The following CRISP2 variants were observed in gnomAD, a reference collection of about 807,000 sequenced individuals.
The protein encoded by CRISP2 is cysteine-rich secretory protein 2.
CRISP2 carries 29 observed loss-of-function variants against 31.7 expected under a neutral mutation model. The ratio of observed to expected loss-of-function variants is 0.92; its 90% CI spans 0.68 to 1.25. The LOEUF is 1.25. CRISP2 is among the 50% of genes most tolerant of loss of function. CRISP2 has a pLI of 0.00. For synonymous variants in CRISP2, 111 were observed against 101.4 expected (o/e 1.09, Z -0.57); for missense variants, 318 against 286.5 (o/e 1.11, Z -0.79).
At chr6:49,699,131 T>C (rs1239940919) in intron 6 of CRISP2, among the ~76,000 whole-genome samples, 1 of 152,138 alleles carries the variant, frequency 6.6e-6, no homozygotes, top group African/African-American at 2.4e-5. Context: ...CATTTACTAG[T>C]TTTTATAATC....
rs746372717 is a variant in CRISP2 at position 49,698,507 on chromosome 6, C to T, written c.272G>A (p.Ser91Asn). ...QHSDPEDRKT[S>N]TRCGENLYMS... is the part of the protein sequence containing the mutation. Reference sequence around the variant, plus strand: ...ATAGAGATTCTCACCACATCTTGTACCTAAGGGGCAGATCATTCATGAGCA... The same window carrying T: ...ATAGAGATTCTCACCACATCTTGTATCTAAGGGGCAGATCATTCATGAGCA... The change falls in exon 7 of 10, where the codon AGT becomes AAT. Residue 91 changes from serine to asparagine, a missense_variant and splice_region_variant. Transcript: ENST00000339139. 1 of 1,602,440 alleles carries T rather than the reference C, an allele frequency of 6.2e-7. No individual in the cohort carries two copies. The highest frequency in any genetic ancestry group is 1.8e-5 in the Admixed American group (1 of 56,244).
chr6:49,700,610 G>A, intron 5 of CRISP2, 58 bp downstream of exon 5: 1 of 1,019,424 alleles, frequency 9.8e-7, no homozygotes, highest in South Asian at 1.3e-5. Flanking sequence ...CCAGTGGCCA[G>A]CCGTCGGCTC....
the CRISP2 span, among the ~76,000 whole-genome samples, chr6:49,685,957 C>G: frequency 6.6e-6 from 1 of 152,008 alleles, no homozygotes; most frequent in African/African-American, 2.4e-5. Flanking sequence ...ACCATTTTTT[C>G]TTACACCATT....
chr6:49,693,876 A>G (rs1764306979), intron 9 of CRISP2, among the ~76,000 whole-genome samples: 1 of 152,166 alleles, frequency 6.6e-6, no homozygotes, highest in Admixed American at 6.6e-5. Flanking sequence ...TCCTCCAAAC[A>G]GCTATTTTGA....
At chr6:49,708,366 G>A (rs1015050174) in intron 4 of CRISP2, among the ~76,000 whole-genome samples, 3 of 152,212 alleles carry the variant, frequency 2.0e-5, no homozygotes, top group Non-Finnish European at 4.4e-5. Context: ...CAGAAACTGT[G>A]AATGTGTTCT....
chr6:49,701,850 T>C (rs1409089958), intron 4 of CRISP2, among the ~76,000 whole-genome samples: 1 of 87,882 alleles, frequency 1.1e-5, no homozygotes, highest in Non-Finnish European at 2.2e-5. Flanking sequence ...ATATATATTA[T>C]ATAATATATA....
chr6:49,682,635 CTT>C, the CRISP2 span, among the ~76,000 whole-genome samples: 1 of 73,390 alleles, frequency 1.4e-5, no homozygotes, highest in Non-Finnish European at 2.4e-5. Flanking sequence ...TTCTTTCTTT[CTT>C]TCTTTCTTCT....
chr6:49,709,834 T>C (rs879919535), intron 3 of CRISP2, among the ~76,000 whole-genome samples: 4 of 152,236 alleles, frequency 2.6e-5, no homozygotes, highest in Non-Finnish European at 2.9e-5. Flanking sequence ...ATTGAAGATA[T>C]AGCTTATTCA....
the CRISP2 span, among the ~76,000 whole-genome samples, chr6:49,682,646 CTTTCTTTCT>C: frequency 0.13 from 7,652 of 60,586 alleles, 257 homozygotes; most frequent in African/African-American, 0.22. Context: ...TTTCTTTCTT[CTTTCTTTCT>C]TTTCTTTCTT....
At chr6:49,682,242 A>AGAG in the CRISP2 span, among the ~76,000 whole-genome samples, 1 of 152,172 alleles carries the variant, frequency 6.6e-6, no homozygotes, top group South Asian at 2.1e-4. Context: ...CAGGAATCTC[A>AGAG]GGTGGTATTG....
chr6:49,698,641 G>A, intron 6 of CRISP2, 134 bp from the exon 7 acceptor site: 4 of 870,500 alleles, frequency 4.6e-6, no homozygotes, highest in Non-Finnish European at 5.3e-6. Context: ...ACATAAAGGA[G>A]TGCCTCAGTT....
downstream of CRISP2, among the ~76,000 whole-genome samples, chr6:49,690,000 T>C (rs1763998259): frequency 1.3e-5 from 2 of 152,312 alleles, no homozygotes; most frequent in East Asian, 1.9e-4. Context: ...ATCTGCTTTA[T>C]TGGAATTAAT....
chr6:49,704,370 C>T (rs192315848), intron 4 of CRISP2, among the ~76,000 whole-genome samples: 1 of 152,130 alleles, frequency 6.6e-6, no homozygotes, highest in African/African-American at 2.4e-5. Context: ...GAGATTTCTT[C>T]TTGGTTTCAA....
downstream of CRISP2, among the ~76,000 whole-genome samples, chr6:49,691,038 G>A (rs535342349): frequency 6.6e-6 from 1 of 151,920 alleles, no homozygotes; most frequent in African/African-American, 2.4e-5. Flanking sequence ...CTACCTGAAA[G>A]TATTTATAAA....
chr6:49,707,153 C>A (rs1767182072), intron 4 of CRISP2, among the ~76,000 whole-genome samples: 1 of 152,112 alleles, frequency 6.6e-6, no homozygotes, highest in Admixed American at 6.5e-5. Flanking sequence ...AAAGTTATTA[C>A]ATGACTAGAA....
At chr6:49,711,152 A>G (rs1767939504) in intron 3 of CRISP2, 133 bp downstream of exon 3, 1 of 145,228 alleles carries the variant, frequency 6.9e-6, no homozygotes, top group Non-Finnish European at 1.5e-5. Flanking sequence ...CTCTAAAACA[A>G]ACAAACAAAC....
chr6:49,695,197 G>A (rs1159921917), intron 9 of CRISP2, among the ~76,000 whole-genome samples: 1 of 152,016 alleles, frequency 6.6e-6, no homozygotes, highest in Admixed American at 6.6e-5. Flanking sequence ...TATTAAATGA[G>A]ATATATGGTA....
chr6:49,708,516 A>G (rs1387799143), intron 4 of CRISP2, among the ~76,000 whole-genome samples: 3 of 152,174 alleles, frequency 2.0e-5, no homozygotes, highest in Admixed American at 2.0e-4. Flanking sequence ...GTAAAGATGG[A>G]GGCAGAGATT....
chr6:49,711,538 T>C (rs956782917), intron 2 of CRISP2, among the ~76,000 whole-genome samples: 1 of 152,204 alleles, frequency 6.6e-6, no homozygotes, highest in African/African-American at 2.4e-5. Flanking sequence ...AAGTAAATCA[T>C]GCCCTCCCTT....
Sources: gnomAD v4.1 joint callset for allele counts (sites outside exome capture counted in the v4.1 genomes callset) on GRCh38, gnomAD v4.1.1 for gene constraint, MANE v1.5 for transcripts, NCBI Gene and HGNC (gene_info 2026-07-23, HGNC 2026-07-21) for gene names.